The following LRP1B variants were observed in gnomAD, a reference collection of about 807,000 sequenced individuals.
The protein encoded by LRP1B is LDL receptor related protein 1B, also known as low-density lipoprotein receptor-related protein 1B.
LRP1B carries 217 observed loss-of-function variants against 556.6 expected under a neutral mutation model. The observed-to-expected ratio is 0.39, with a 90% CI of 0.35 to 0.44. The LOEUF is 0.44. Among genes scored for constraint, LRP1B ranks in the 20% least tolerant of loss-of-function variants. LRP1B has a pLI of 1.00. For missense variants in LRP1B, 5,053 were observed against 5,620.8 expected (o/e 0.90, Z 3.23); for synonymous variants, 2,047 against 1,865.8 (o/e 1.10, Z -2.50).
chr2:141,973,941 G>C (rs1254517001), intron 1 of LRP1B, among the ~76,000 whole-genome samples: 1 of 151,750 alleles, frequency 6.6e-6, no homozygotes, highest in East Asian at 1.9e-4. Flanking sequence ...AAGGCAAATG[G>C]ATATAATCAA....
At chr2:141,805,951 A>T (rs973732779) in intron 2 of LRP1B, among the ~76,000 whole-genome samples, 1 of 152,082 alleles carries the variant, frequency 6.6e-6, no homozygotes, top group East Asian at 1.9e-4. Context: ...TGCCCAAAAC[A>T]TGATCTGTGA....
chr2:140,938,541 A>C (rs1695298447), intron 20 of LRP1B, among the ~76,000 whole-genome samples: 1 of 152,090 alleles, frequency 6.6e-6, no homozygotes, highest in African/African-American at 2.4e-5. Context: ...CTGGGGGTTC[A>C]TTTAAATGTT....
chr2:140,678,241 T>C (rs1264616696), intron 41 of LRP1B, among the ~76,000 whole-genome samples: 1 of 152,098 alleles, frequency 6.6e-6, no homozygotes, highest in Non-Finnish European at 1.5e-5. Flanking sequence ...ATGAAAGGCG[T>C]TTTAAGATGA....
intron 84 of LRP1B, among the ~76,000 whole-genome samples, chr2:140,290,899 C>T (rs1219969913): frequency 6.6e-6 from 1 of 151,912 alleles, no homozygotes; most frequent in African/African-American, 2.4e-5. Flanking sequence ...GTCAGATCCA[C>T]AAAGCTAAAA....
At chr2:141,502,915 G>A (rs1683779138) in intron 2 of LRP1B, among the ~76,000 whole-genome samples, 2 of 150,412 alleles carry the variant, frequency 1.3e-5, no homozygotes, top group African/African-American at 2.4e-5. Flanking sequence ...GGATATATAA[G>A]TTTTAAAGTC....
intron 37 of LRP1B, among the ~76,000 whole-genome samples, chr2:140,709,231 T>G: frequency 6.6e-6 from 1 of 152,072 alleles, no homozygotes; most frequent in East Asian, 1.9e-4. Flanking sequence ...GAAATAAAAT[T>G]ACAGTATGTG....
At chr2:141,980,045 C>A (rs1354713984) in intron 1 of LRP1B, among the ~76,000 whole-genome samples, 1 of 152,000 alleles carries the variant, frequency 6.6e-6, no homozygotes, top group East Asian at 1.9e-4. Flanking sequence ...TACAATAGTC[C>A]AAATCATTGA....
chr2:140,355,899 GATCT>G (rs1368123579), intron 75 of LRP1B, among the ~76,000 whole-genome samples: 1 of 151,788 alleles, frequency 6.6e-6, no homozygotes, highest in Non-Finnish European at 1.5e-5. Context: ...GATACATTAT[GATCT>G]ATTTAAAACA....
intron 47 of LRP1B, among the ~76,000 whole-genome samples, chr2:140,528,216 C>T (rs114538816): frequency 0.04 from 6,143 of 151,876 alleles, 419 homozygotes; most frequent in African/African-American, 0.14. Flanking sequence ...TAAAAACCAG[C>T]ACTGGTAGTT....
chr2:142,093,244 G>T (rs1706236472), intron 1 of LRP1B, among the ~76,000 whole-genome samples: 1 of 152,026 alleles, frequency 6.6e-6, no homozygotes, highest in Admixed American at 6.6e-5. Flanking sequence ...AGTTTCCTGA[G>T]AACAAGGCCA....
chr2:141,333,028 T>C (rs141813328), intron 3 of LRP1B, among the ~76,000 whole-genome samples: 1 of 152,114 alleles, frequency 6.6e-6, no homozygotes, highest in Non-Finnish European at 1.5e-5. Context: ...AATCTTTTTT[T>C]AACATTTTCA....
chr2:140,745,509 A>G (rs1688286205), intron 35 of LRP1B, among the ~76,000 whole-genome samples: 1 of 152,138 alleles, frequency 6.6e-6, no homozygotes, highest in Admixed American at 6.5e-5. Context: ...CCTTAAAACT[A>G]TGACTATCCC....
intron 86 of LRP1B, among the ~76,000 whole-genome samples, chr2:140,248,887 C>T (rs945624230): frequency 3.3e-5 from 5 of 150,978 alleles, no homozygotes; most frequent in Admixed American, 2.7e-4. Context: ...AATTTACCCC[C>T]GAGAATATGT....
intron 52 of LRP1B, among the ~76,000 whole-genome samples, chr2:140,508,139 GA>G (rs1280899904): frequency 2.0e-5 from 3 of 152,098 alleles, no homozygotes; most frequent in Non-Finnish European, 4.4e-5. Context: ...ATGGGTACTT[GA>G]AAAACTTAGG....
intron 41 of LRP1B, among the ~76,000 whole-genome samples, chr2:140,657,726 A>G (rs948692349): frequency 2.0e-5 from 3 of 151,074 alleles, no homozygotes; most frequent in African/African-American, 7.3e-5. Context: ...ATTAAATTAT[A>G]TCTATTGAGG....
chr2:140,269,227 T>G (rs1390689025), intron 86 of LRP1B: 1 of 468,828 alleles, frequency 2.1e-6, no homozygotes, highest in Non-Finnish European at 4.4e-6. Context: ...CCTGAAATGA[T>G]GTCACACGAA....
chr2:140,402,191 C>A (rs1257804062), intron 66 of LRP1B, among the ~76,000 whole-genome samples: 1 of 152,202 alleles, frequency 6.6e-6, no homozygotes, highest in African/African-American at 2.4e-5. Flanking sequence ...CAAGGGAACA[C>A]CCCGTGGGAC....
At chr2:141,814,351 A>T (rs769941075) in intron 1 of LRP1B, among the ~76,000 whole-genome samples, 1 of 152,128 alleles carries the variant, frequency 6.6e-6, no homozygotes, top group Non-Finnish European at 1.5e-5. Context: ...GACCTGCCCT[A>T]ACTGCCTGAC....
chr2:141,965,993 A>G (rs1701555593), intron 1 of LRP1B, among the ~76,000 whole-genome samples: 1 of 151,668 alleles, frequency 6.6e-6, no homozygotes, highest in Admixed American at 6.6e-5. Context: ...ACCAACTAGC[A>G]CCTTTCTTAC....
Sources: gnomAD v4.1 joint callset for allele counts (sites outside exome capture counted in the v4.1 genomes callset) on GRCh38, gnomAD v4.1.1 for gene constraint, MANE v1.5 for transcripts, NCBI Gene and HGNC (gene_info 2026-07-23, HGNC 2026-07-21) for gene names.